The following CSMD1 variants were observed in gnomAD, a reference collection of about 807,000 sequenced individuals.
The protein encoded by CSMD1 is CUB and sushi domain-containing protein 1.
CSMD1 carries 213 observed loss-of-function variants against 417.5 expected under a neutral mutation model. The ratio of observed to expected loss-of-function variants is 0.51; its 90% CI spans 0.46 to 0.57. The LOEUF is 0.57. CSMD1 is among the 20% of genes least tolerant of loss of function. The pLI is 0.00. For missense variants in CSMD1, 6,923 were observed against 4,529.7 expected, an observed-to-expected ratio of 1.53 and a Z score of -15.17; for synonymous variants, 2,862 against 1,736.8, an observed-to-expected ratio of 1.65 and a Z score of -16.11.
chr8:3,717,766 G>A (rs1322456129), intron 6 of CSMD1, among the ~76,000 whole-genome samples: 2 of 152,118 alleles, frequency 1.3e-5, no homozygotes, highest in South Asian at 2.1e-4. Context: ...TCTTTGAACA[G>A]TTTTCCTAAG....
chr8:4,034,328 C>T (rs995624736), intron 3 of CSMD1, among the ~76,000 whole-genome samples: 3 of 152,102 alleles, frequency 2.0e-5, no homozygotes, highest in Non-Finnish European at 4.4e-5. Context: ...TTTACATAGT[C>T]AAAGTGTATT....
chr8:4,768,704 G>A (rs753682703), intron 1 of CSMD1, among the ~76,000 whole-genome samples: 4 of 152,174 alleles, frequency 2.6e-5, no homozygotes, highest in Non-Finnish European at 4.4e-5. Context: ...ACTTACCCGA[G>A]GCACTGGAGC....
At chr8:4,679,134 C>G (rs1433960078) in intron 1 of CSMD1, among the ~76,000 whole-genome samples, 4 of 152,090 alleles carry the variant, frequency 2.6e-5, no homozygotes, top group Non-Finnish European at 5.9e-5. Flanking sequence ...AATGTACTTT[C>G]CCTTCTTGAT....
chr8:4,686,202 G>C (rs1026753780), intron 1 of CSMD1, among the ~76,000 whole-genome samples: 2 of 152,216 alleles, frequency 1.3e-5, no homozygotes. Flanking sequence ...CACCTTTGGA[G>C]TTAGTAAGGC....
At position 3,135,951 on chromosome 8, in the gene CSMD1, C is replaced by T. The variant is rs574289805; in HGVS notation, c.6241+6514G>A. Reference sequence around the variant, plus strand: ...AATCACAACAGGGGCAAAAAGAATTCAGGTGTCACTGAGGCCCAGGCTCCA... The same window carrying T: ...AATCACAACAGGGGCAAAAAGAATTTAGGTGTCACTGAGGCCCAGGCTCCA... On this transcript the variant is annotated intron_variant, in intron 41 of 69. Transcript: ENST00000635120. Among the ~76,000 whole-genome samples the T allele has an allele frequency of 1.1e-4, 16 of 152,282 alleles. No homozygotes were observed. The East Asian group carries it at 3.1e-3, about 29-fold the overall frequency.
At chr8:4,155,914 T>A (rs1563198024) in intron 3 of CSMD1, among the ~76,000 whole-genome samples, 1 of 152,154 alleles carries the variant, frequency 6.6e-6, no homozygotes, top group South Asian at 2.1e-4. Context: ...GGAATGAGCT[T>A]TTGAGGAATG....
At chr8:4,480,195 A>C (rs1369203935) in intron 2 of CSMD1, among the ~76,000 whole-genome samples, 1 of 151,320 alleles carries the variant, frequency 6.6e-6, no homozygotes, top group Non-Finnish European at 1.5e-5. Context: ...CACAAAAAAA[A>C]AAAAACAAAA....
intron 1 of CSMD1, among the ~76,000 whole-genome samples, chr8:4,760,207 A>T (rs763235526): frequency 2.6e-5 from 4 of 152,234 alleles, no homozygotes; most frequent in Non-Finnish European, 5.9e-5. Context: ...TAATAAATCT[A>T]TGTAATTATC....
At chr8:4,695,725 G>C (rs951815489) in intron 1 of CSMD1, among the ~76,000 whole-genome samples, 6 of 152,022 alleles carry the variant, frequency 3.9e-5, no homozygotes, top group African/African-American at 1.2e-4. Flanking sequence ...TTTACCGTTG[G>C]TATTTTATGT....
intron 2 of CSMD1, among the ~76,000 whole-genome samples, chr8:4,483,150 G>A (rs867243198): frequency 1.3e-5 from 2 of 152,064 alleles, no homozygotes; most frequent in Non-Finnish European, 2.9e-5. Flanking sequence ...CATGAGATCC[G>A]ATGGTTTGAT....
intron 2 of CSMD1, among the ~76,000 whole-genome samples, chr8:4,540,967 G>GCACA (rs1285455235): frequency 6.6e-6 from 1 of 152,160 alleles, no homozygotes; most frequent in African/African-American, 2.4e-5. Flanking sequence ...AGGGTTAATA[G>GCACA]CACAGGTAAA....
intron 7 of CSMD1, among the ~76,000 whole-genome samples, chr8:3,635,656 G>C (rs537086445): frequency 1.3e-5 from 2 of 151,134 alleles, no homozygotes; most frequent in South Asian, 2.1e-4. Context: ...GCTATTTTTT[G>C]TATTTTTTAG....
At chr8:4,103,993 C>T (rs1801436838) in intron 3 of CSMD1, among the ~76,000 whole-genome samples, 1 of 152,202 alleles carries the variant, frequency 6.6e-6, no homozygotes. Flanking sequence ...TCTAAGAGTG[C>T]CCCAGCTGCA....
In CSMD1 at chr8:4,044,239, C is replaced by G. The variant is rs1400701998; in HGVS notation, c.416-12140G>C. ...GTTTCAAATACAAATAACTTATTTT[C>G]TCATACTTCCTTATTGCAAATTAAA... On this transcript the variant is annotated intron_variant, in intron 3 of 69. Transcript: ENST00000635120. Among the ~76,000 whole-genome samples, 10 of 152,224 alleles carry G rather than the reference C, an allele frequency of 6.6e-5. No homozygotes were observed. In the East Asian group the frequency reaches 1.7e-3, roughly 26 times the overall value.
intron 2 of CSMD1, among the ~76,000 whole-genome samples, chr8:4,611,658 G>C (rs141101515): frequency 5.9e-5 from 9 of 152,238 alleles, no homozygotes; most frequent in Non-Finnish European, 8.8e-5. Flanking sequence ...GAGAAAAAGT[G>C]TGTCTTGTGT....
intron 23 of CSMD1, among the ~76,000 whole-genome samples, chr8:3,334,715 G>T (rs77648734): frequency 4.1e-4 from 63 of 152,144 alleles, no homozygotes; most frequent in Non-Finnish European, 9.3e-4. Context: ...CAAATGGATG[G>T]GCCATTTTAC....
At chr8:3,259,368 C>T (rs567014089) in intron 26 of CSMD1, among the ~76,000 whole-genome samples, 1 of 152,176 alleles carries the variant, frequency 6.6e-6, no homozygotes, top group African/African-American at 2.4e-5. Context: ...GCTTAGCTCT[C>T]AGCATGGAGG....
intron 40 of CSMD1, among the ~76,000 whole-genome samples, chr8:3,146,934 C>G (rs955430441): frequency 1.1e-4 from 17 of 152,246 alleles, no homozygotes; most frequent in African/African-American, 3.9e-4. Context: ...CATGCTTATC[C>G]AGTTGTATGG....
intron 52 of CSMD1, among the ~76,000 whole-genome samples, chr8:3,013,523 G>A (rs1036260037): frequency 2.9e-4 from 44 of 152,150 alleles, no homozygotes; most frequent in African/African-American, 1.1e-3. Flanking sequence ...GGCCAAGGCG[G>A]GCAGATCACC....
Sources: allele counts gnomAD v4.1 joint callset (sites outside exome capture counted in the v4.1 genomes callset), GRCh38; gene constraint gnomAD v4.1.1; transcripts MANE v1.5; gene names NCBI Gene and HGNC (gene_info 2026-07-23, HGNC 2026-07-21).